Variants in FKTN observed in about 807,000 individuals in gnomAD.
FKTN encodes ribitol-5-phosphate transferase FKTN.
Under a neutral mutation model 58.6 loss-of-function variants are expected in FKTN, and 47 were observed. The ratio of observed to expected loss-of-function variants is 0.80; its 90% confidence interval spans 0.63 to 1.02. The LOEUF (loss-of-function observed/expected upper bound fraction) is 1.02. Ranked by LOEUF, FKTN falls within the 50% of genes least tolerant of loss-of-function variation. FKTN has a pLI of 0.00. For missense variants in FKTN, 516 were observed against 537.3 expected (o/e 0.96, Z 0.39); for synonymous variants, 178 against 191.9 (o/e 0.93, Z 0.60).
At chr9:105,558,527 A>G (rs371306514) in intron 1 of FKTN, among the ~76,000 whole-genome samples, 1 of 152,044 alleles carries the variant, frequency 6.6e-6, no homozygotes, top group African/African-American at 2.4e-5. Flanking sequence ...TGGCCTCTCA[A>G]AGTGCTGAGA....
intron 1 of FKTN, among the ~76,000 whole-genome samples, chr9:105,568,927 G>A (rs2518118): frequency 0.12 from 18,766 of 152,152 alleles, 1,492 homozygotes; most frequent in Admixed American, 0.23. Context: ...AAGAAAATGT[G>A]GCACATATAC....
chr9:105,628,669 C>T (rs1833034129), intron 10 of FKTN, among the ~76,000 whole-genome samples: 1 of 152,090 alleles, frequency 6.6e-6, no homozygotes, highest in Admixed American at 6.5e-5. Flanking sequence ...AACCCAAATG[C>T]CCATCTTCTG....
intron 10 of FKTN, among the ~76,000 whole-genome samples, chr9:105,630,488 A>G (rs1391016576): frequency 1.3e-5 from 2 of 152,172 alleles, no homozygotes; most frequent in South Asian, 4.1e-4. Flanking sequence ...GTTTGCTGCA[A>G]AGTTTCACTG....
intron 7 of FKTN, among the ~76,000 whole-genome samples, chr9:105,612,376 GA>G (rs1379096355): frequency 1.3e-5 from 2 of 152,078 alleles, no homozygotes; most frequent in African/African-American, 4.8e-5. Context: ...TTGCTGTGCA[GA>G]AGCTCTTTAT....
intron 1 of FKTN, among the ~76,000 whole-genome samples, chr9:105,558,585 T>G (rs77713160): frequency 0.025 from 3,817 of 151,964 alleles, 179 homozygotes; most frequent in African/African-American, 0.088. Context: ...CAATTTCTCA[T>G]TTAACATGAG....
intron 1 of FKTN, among the ~76,000 whole-genome samples, chr9:105,558,666 A>G (rs1028925250): frequency 1.3e-5 from 2 of 151,862 alleles, no homozygotes; most frequent in Admixed American, 1.3e-4. Context: ...TAGATGATAT[A>G]TCAGATTCTT....
Position 105,601,327 on chromosome 9 carries a change from G to A in FKTN, c.348G>A (p.Gln116=), listed in dbSNP as rs1361635341. The A allele has an allele frequency of 6.2e-7, 1 of 1,608,090 alleles. No individual in the cohort carries two copies. Among genetic ancestry groups the A allele is most frequent in the Middle Eastern group, 1.7e-4 (1 of 6,056 alleles). Residue 116 remains glutamine (Q), a synonymous_variant, in exon 5 of 11, where the codon CAG becomes CAA. Coordinates refer to ENST00000357998, the MANE Select transcript of FKTN (RefSeq NM_001079802.2). ...VPRDFTAFAL[Q]YHLWKNEEGW... ...GAGACTTTACTGCATTTGCACTGCA[G>A]TATCACCTATGGAAGAATGAGGTAA...
rs1833936882 is a variant in FKTN at position 105,635,156 on chromosome 9, CTGGAAGAT to C, written c.1280_1287del (p.Trp427SerfsTer24). 44 of 1,614,032 alleles carry C rather than the reference CTGGAAGAT, an allele frequency of 2.7e-5. No individual in the cohort carries two copies. The highest frequency in any genetic ancestry group is 3.1e-5 in the Non-Finnish European group (37 of 1,180,008). On this transcript the variant is annotated frameshift_variant, in exon 11 of 11. Transcript: ENST00000357998. LOFTEE classifies it high-confidence loss of function. ...ACATTGAAGCCAACTATGGTAAGAC[CTGGAAGAT>C]TCCTGTAAAGACGTGGGACTGGAAG...
intron 10 of FKTN, among the ~76,000 whole-genome samples, chr9:105,634,125 TTC>T (rs971540309): frequency 1.3e-5 from 2 of 152,206 alleles, no homozygotes; most frequent in Admixed American, 6.5e-5. Flanking sequence ...TTGGTTTAAT[TTC>T]TGTTTGTTTT....
intron 3 of FKTN, among the ~76,000 whole-genome samples, chr9:105,595,336 A>G (rs997341469): frequency 1.3e-5 from 2 of 152,222 alleles, no homozygotes; most frequent in African/African-American, 4.8e-5. Flanking sequence ...CAATAAAGCT[A>G]TATAAAAATA....
At chr9:105,569,004 C>T (rs1052482784) in intron 1 of FKTN, among the ~76,000 whole-genome samples, 1 of 152,088 alleles carries the variant, frequency 6.6e-6, no homozygotes, top group Non-Finnish European at 1.5e-5. Flanking sequence ...ATGGATGAAG[C>T]TGGAAACCAT....
At chr9:105,586,159 A>G (rs1053932069) in intron 3 of FKTN, among the ~76,000 whole-genome samples, 1 of 152,230 alleles carries the variant, frequency 6.6e-6, no homozygotes, top group Non-Finnish European at 1.5e-5. Context: ...AGACAAGCCT[A>G]GCTTTTCTAT....
At position 105,638,381 on chromosome 9, in the gene FKTN, C is replaced by A. The variant is rs1484112428; in HGVS notation, c.*3117C>A. 10 of 985,258 alleles carry A rather than the reference C, an allele frequency of 1.0e-5. No individual in the cohort carries two copies. The highest frequency in any genetic ancestry group is 1.2e-5 in the Non-Finnish European group (10 of 829,916). 61.0% of individuals were successfully genotyped at this position (985,258 alleles called of 1,614,324 possible). Reference sequence around the variant, plus strand: ...TTCAGAATTCAGAATTCTTAGGCAACCTTCATACCTTTATCTGGAAAATGC... The same window carrying A: ...TTCAGAATTCAGAATTCTTAGGCAAACTTCATACCTTTATCTGGAAAATGC... On this transcript the variant is annotated 3_prime_UTR_variant, in exon 11 of 11. Transcript: ENST00000357998.
chr9:105,619,876 G>GT, intron 9 of FKTN, 58 bp from the exon 10 acceptor site: 1 of 1,474,620 alleles, frequency 6.8e-7, no homozygotes, highest in Non-Finnish European at 9.3e-7. Context: ...TTAAAAAAAG[G>GT]TTTTTAAAAA....
Position 105,601,521 on chromosome 9 carries a change from G to A in FKTN, c.369+173G>A, listed in dbSNP as rs566233583. The stretch of plus-strand genomic sequence containing the variant: ...ACAACTAATCACTAAGGCAAATAGG[G>A]GATTTCTTTTTCTTATATAATGAGA... On this transcript the variant is annotated intron_variant, in intron 5 of 10. Coordinates refer to ENST00000357998, the MANE Select transcript of FKTN (RefSeq NM_001079802.2). Among the ~76,000 whole-genome samples the A allele has an allele frequency of 4.6e-5, 7 of 152,228 alleles. No homozygotes were observed. In the East Asian group the frequency reaches 1.3e-3, roughly 29 times the overall value.
At chr9:105,564,025 AC>A (rs1282822928) in intron 1 of FKTN, among the ~76,000 whole-genome samples, 1 of 152,186 alleles carries the variant, frequency 6.6e-6, no homozygotes, top group Non-Finnish European at 1.5e-5. Flanking sequence ...CTCTGCTGAT[AC>A]CCAGGCAAAC....
chr9:105,638,983 C>T lies in FKTN; in HGVS notation c.*3719C>T. 1 of 985,186 alleles carries T rather than the reference C, an allele frequency of 1.0e-6. No homozygotes were observed. The highest frequency in any genetic ancestry group is 1.2e-6 in the Non-Finnish European group (1 of 829,720). 61.0% of individuals were successfully genotyped at this position (985,186 alleles called of 1,614,324 possible). ...TTGGAATGAGCTTCCACACTTCAGT[C>T]TAAAATCTCACCCAAACTTATGGCT... On this transcript the variant is annotated 3_prime_UTR_variant, in exon 11 of 11. Coordinates refer to ENST00000357998, the MANE Select transcript of FKTN (RefSeq NM_001079802.2).
At chr9:105,575,986 T>C (rs147980129) in intron 3 of FKTN, among the ~76,000 whole-genome samples, 85 of 152,110 alleles carry the variant, frequency 5.6e-4, no homozygotes, top group African/African-American at 1.9e-3. Flanking sequence ...GAGAAAAATG[T>C]ATGGAGCAGA....
intron 6 of FKTN, 37 bp from the exon 7 acceptor site, chr9:105,607,782 C>A: frequency 6.3e-7 from 1 of 1,597,896 alleles, no homozygotes; most frequent in Non-Finnish European, 8.6e-7. Context: ...CCTGTTTCCC[C>A]CACCCCTCAT....
Sources: gnomAD v4.1 joint callset for allele counts (sites outside exome capture counted in the v4.1 genomes callset) on GRCh38, gnomAD v4.1.1 for gene constraint, MANE v1.5 for transcripts, NCBI Gene and HGNC (gene_info 2026-07-23, HGNC 2026-07-21) for gene names.